Variants in UPRT observed in about 807,000 individuals in gnomAD.
UPRT encodes the protein uracil phosphoribosyltransferase homolog, also known as RP11-311P8.3.
UPRT carries 5 observed loss-of-function variants against 22.6 expected under a neutral mutation model. The observed-to-expected ratio is 0.22, with a 90% CI of 0.12 to 0.47. The LOEUF (loss-of-function observed/expected upper bound fraction) is 0.47. Among genes scored for constraint, UPRT ranks in the 20% least tolerant of loss-of-function variants. The probability of loss-of-function intolerance (pLI) is 0.99; values close to 1 mark genes in which losing one functional copy is unlikely to be tolerated. For missense variants in UPRT, 181 were observed against 239.9 expected, an observed-to-expected ratio of 0.75 and a Z score of 1.62; for synonymous variants, 77 against 87.7, an observed-to-expected ratio of 0.88 and a Z score of 0.68.
intron 4 of UPRT, among the ~76,000 whole-genome samples, chrX:75,262,994 G>A (rs1205648729): frequency 9.0e-6 from 1 of 111,247 alleles, no homozygotes; most frequent in Non-Finnish European, 1.9e-5. Flanking sequence ...CAAATCAACA[G>A]AATATGCATT....
chrX:75,257,952 G>T, intron 4 of UPRT, among the ~76,000 whole-genome samples: 1 of 110,813 alleles, frequency 9.0e-6, no homozygotes, highest in Non-Finnish European at 1.9e-5. Context: ...CTGAAGCAGG[G>T]TGAGGCGTCA....
At chrX:75,246,875 G>T (rs774067318) in intron 4 of UPRT, among the ~76,000 whole-genome samples, 13 of 111,765 alleles carry the variant, frequency 1.2e-4, no homozygotes, top group African/African-American at 4.2e-4. Flanking sequence ...ATTTTTTCAT[G>T]TGTCTGTTGG....
At chrX:75,180,264 A>C (rs1293689220) in intron 4 of UPRT, among the ~76,000 whole-genome samples, 1 of 112,228 alleles carries the variant, frequency 8.9e-6, no homozygotes, top group African/African-American at 3.2e-5. Context: ...GAGACAAGTC[A>C]GAAATGGCTT....
In UPRT at chrX:75,302,941, G is replaced by A. The variant is rs760883740; in HGVS notation, c.824-464G>A. Among the ~76,000 whole-genome samples, 98 of 110,204 alleles carry A rather than the reference G, an allele frequency of 8.9e-4. 1 individual carries two copies. Among genetic ancestry groups the A allele is most frequent in the African/African-American group, 3.0e-3 (90 of 30,313 alleles). On this transcript the variant is annotated intron_variant, in intron 6 of 6. Coordinates refer to ENST00000373383, the MANE Select transcript of UPRT (RefSeq NM_145052.4). Reference sequence around the variant, plus strand: ...TTTTTAATAGAGATGGGGTGTTGCCGTGTGGCCCAGGCTGGTCTCAAATTC... The same window carrying A: ...TTTTTAATAGAGATGGGGTGTTGCCATGTGGCCCAGGCTGGTCTCAAATTC...
intron 4 of UPRT, among the ~76,000 whole-genome samples, chrX:75,268,005 C>T (rs923822956): frequency 2.2e-4 from 24 of 110,162 alleles, no homozygotes; most frequent in Admixed American, 1.3e-3. Flanking sequence ...CAAATTAGAC[C>T]GCTAGCCAGA....
intron 4 of UPRT, among the ~76,000 whole-genome samples, chrX:75,192,520 G>A (rs1165801411): frequency 1.8e-5 from 2 of 111,421 alleles, no homozygotes; most frequent in Non-Finnish European, 3.8e-5. Flanking sequence ...GTCTTTGCTA[G>A]TTTTCTGCCT....
intron 4 of UPRT, among the ~76,000 whole-genome samples, chrX:75,254,599 C>T (rs1011287408): frequency 9.0e-6 from 1 of 111,374 alleles, no homozygotes; most frequent in African/African-American, 3.3e-5. Flanking sequence ...GTTTGGAAAA[C>T]ATATTTGGGG....
chrX:75,203,240 G>C (rs1338549913), intron 4 of UPRT, among the ~76,000 whole-genome samples: 1 of 111,378 alleles, frequency 9.0e-6, no homozygotes, highest in Non-Finnish European at 1.9e-5. Flanking sequence ...TCAGCAAGAA[G>C]AGCTGACAAT....
chrX:75,245,594 T>C (rs766289801), intron 4 of UPRT, among the ~76,000 whole-genome samples: 20 of 112,465 alleles, frequency 1.8e-4, no homozygotes, highest in Non-Finnish European at 2.1e-4. Context: ...ATACACACTA[T>C]GGAATACTGT....
At chrX:75,185,164 A>C (rs1407274277) in intron 4 of UPRT, among the ~76,000 whole-genome samples, 2 of 111,867 alleles carry the variant, frequency 1.8e-5, no homozygotes, top group Non-Finnish European at 3.8e-5. Context: ...GGTTTGTCAT[A>C]GATAGCTCTT....
At chrX:75,233,080 G>A (rs762539497) in intron 4 of UPRT, among the ~76,000 whole-genome samples, 1 of 111,725 alleles carries the variant, frequency 9.0e-6, no homozygotes, top group African/African-American at 3.3e-5. Context: ...CCAATACAGA[G>A]AAATGCTTAA....
intron 4 of UPRT, among the ~76,000 whole-genome samples, chrX:75,182,128 T>G (rs940982880): frequency 8.9e-6 from 1 of 112,081 alleles, no homozygotes; most frequent in Non-Finnish European, 1.9e-5. Flanking sequence ...TTTGTTTGTT[T>G]TTAGTTCTGT....
intron 4 of UPRT, among the ~76,000 whole-genome samples, chrX:75,265,941 G>T (rs909875463): frequency 1.8e-5 from 2 of 111,254 alleles, no homozygotes; most frequent in Non-Finnish European, 3.8e-5. Context: ...AATAAAAGAA[G>T]ATACAAACAA....
At chrX:75,185,004 C>T (rs2082284735) in intron 4 of UPRT, among the ~76,000 whole-genome samples, 1 of 110,997 alleles carries the variant, frequency 9.0e-6, no homozygotes, top group South Asian at 3.9e-4. Context: ...TAATTGAATA[C>T]CCTTTGTTTC....
intron 4 of UPRT, among the ~76,000 whole-genome samples, chrX:75,227,776 G>C (rs761519965): frequency 1.4e-4 from 16 of 112,273 alleles, no homozygotes; most frequent in Non-Finnish European, 2.8e-4. Flanking sequence ...TGAGACTTTT[G>C]CAAGCAGGTA....
chrX:75,261,760 C>T lies in UPRT; in HGVS notation c.-446-29264C>T, dbSNP rs138782111. On this transcript the variant is annotated intron_variant, in intron 4 of 13. Transcript: ENST00000652605. ...GCAACATCCCTGATGAACATTGATG[C>T]GAAAATCCTCAATAAAATACTGGCA... Among the ~76,000 whole-genome samples the T allele has an allele frequency of 3.7e-3, 411 of 110,778 alleles. 1 individual carries two copies. Among genetic ancestry groups the T allele is most frequent in the African/African-American group, 0.013 (386 of 30,579 alleles).
Position 75,274,646 on chromosome X carries a change from C to T in UPRT, c.386+6C>T, listed in dbSNP as rs192116241. The T allele has an allele frequency of 8.5e-7, 1 of 1,182,481 alleles. No homozygotes were observed. Among genetic ancestry groups the T allele is most frequent in the East Asian group, 3.0e-5 (1 of 33,211 alleles). On this transcript the variant is annotated splice_donor_region_variant and intron_variant, in intron 1 of 6. Transcript: ENST00000373383. ...CAGACCATCATCCGTGACAAGTAAGCCAAGAGCGGAAGGGGAAAGGGAAGT... is the reference window on the plus strand; with the variant it reads ...CAGACCATCATCCGTGACAAGTAAGTCAAGAGCGGAAGGGGAAAGGGAAGT...
chrX:75,156,408 G>T, exon 1 of UPRT: 1 of 712,594 alleles, frequency 1.4e-6, no homozygotes, highest in Non-Finnish European at 2.1e-6. Context: ...TGAAGATTCG[G>T]ATGCATTCGC....
intron 4 of UPRT, among the ~76,000 whole-genome samples, chrX:75,207,847 T>C (rs1390665950): frequency 9.0e-6 from 1 of 111,435 alleles, no homozygotes; most frequent in Non-Finnish European, 1.9e-5. Flanking sequence ...TTTGGCAGAG[T>C]AGTCCAAGAG....
Sources: allele counts gnomAD v4.1 joint callset (sites outside exome capture counted in the v4.1 genomes callset), GRCh38; gene constraint gnomAD v4.1.1; transcripts MANE v1.5; gene names NCBI Gene and HGNC (gene_info 2026-07-23, HGNC 2026-07-21).